NKAIN2: variants seen among roughly 807,000 people sequenced by gnomAD.
NKAIN2 encodes the protein sodium/potassium transporting ATPase interacting 2, also known as sodium/potassium-transporting ATPase subunit beta-1-interacting protein 2.
A neutral mutation model predicts 32.6 loss-of-function variants in NKAIN2; 14 were observed. The ratio of observed to expected loss-of-function variants is 0.43; its 90% CI spans 0.28 to 0.67. The LOEUF (loss-of-function observed/expected upper bound fraction) is 0.67. Ranked by LOEUF, NKAIN2 falls within the 30% of genes least tolerant of loss-of-function variation. The probability of loss-of-function intolerance (pLI) is 0.17; values close to 1 mark genes in which losing one functional copy is unlikely to be tolerated. For synonymous variants in NKAIN2, 80 were observed against 87.2 expected, an observed-to-expected ratio of 0.92 and a Z score of 0.46; for missense variants, 198 against 258.3, an observed-to-expected ratio of 0.77 and a Z score of 1.60.
In NKAIN2 at chr6:124,238,456, A is replaced by T. The variant is rs377710531; in HGVS notation, c.55-44549A>T. 1.6e-4 allele frequency among the ~76,000 whole-genome samples: 24 copies of T among 152,234 alleles called. 1 individual carries two copies. Among genetic ancestry groups the T allele is most frequent in the African/African-American group, 5.8e-4 (24 of 41,566 alleles). On this transcript the variant is annotated intron_variant, in intron 1 of 6. Coordinates refer to ENST00000368417, the MANE Select transcript of NKAIN2 (RefSeq NM_001040214.3). ...TACACTATTTTTGAAATGTTGTGGA[A>T]AAATAGAAGTCACATTCTTAGAGGC...
chr6:124,130,546 A>G (rs1786421265), intron 1 of NKAIN2, among the ~76,000 whole-genome samples: 1 of 151,586 alleles, frequency 6.6e-6, no homozygotes, highest in South Asian at 2.1e-4. Context: ...GCATTTGTAG[A>G]TAGGAATTAT....
At chr6:123,856,701 A>C (rs1433103923) in intron 1 of NKAIN2, among the ~76,000 whole-genome samples, 3 of 152,144 alleles carry the variant, frequency 2.0e-5, no homozygotes, top group Non-Finnish European at 2.9e-5. Flanking sequence ...GTGACACCCC[A>C]TGTGCTTGTT....
intron 1 of NKAIN2, among the ~76,000 whole-genome samples, chr6:123,884,095 ATCCTCTCCC>A (rs1399334294): frequency 2.0e-5 from 3 of 151,786 alleles, no homozygotes; most frequent in African/African-American, 7.3e-5. Flanking sequence ...GTTTTTCCTG[ATCCTCTCCC>A]TCCTCCCACC....
intron 3 of NKAIN2, among the ~76,000 whole-genome samples, chr6:124,600,037 G>A (rs1445629355): frequency 1.3e-5 from 2 of 152,072 alleles, no homozygotes; most frequent in African/African-American, 2.4e-5. Context: ...GGAAAGAGGT[G>A]TGAAAGCAGA....
intron 2 of NKAIN2, among the ~76,000 whole-genome samples, chr6:124,338,504 G>T (rs1797975279): frequency 6.6e-6 from 1 of 152,030 alleles, no homozygotes; most frequent in Non-Finnish European, 1.5e-5. Context: ...TGCTTTCAAA[G>T]TTTGTTGCAA....
At chr6:124,374,625 T>C (rs548259946) in intron 3 of NKAIN2, among the ~76,000 whole-genome samples, 3 of 152,238 alleles carry the variant, frequency 2.0e-5, no homozygotes, top group African/African-American at 7.2e-5. Flanking sequence ...CGCAACAAAG[T>C]TATAATTTTT....
At chr6:123,820,634 C>G (rs1191717844) in intron 1 of NKAIN2, among the ~76,000 whole-genome samples, 1 of 152,074 alleles carries the variant, frequency 6.6e-6, no homozygotes, top group Non-Finnish European at 1.5e-5. Context: ...CAGAATCTCT[C>G]CTTGCCAGCC....
intron 5 of NKAIN2, among the ~76,000 whole-genome samples, chr6:124,803,723 T>C (rs1780374929): frequency 6.6e-6 from 1 of 152,174 alleles, no homozygotes; most frequent in African/African-American, 2.4e-5. Context: ...TCACTCTATA[T>C]AAAATTTTAG....
chr6:124,699,146 A>C (rs2114562157), intron 4 of NKAIN2, among the ~76,000 whole-genome samples: 1 of 152,252 alleles, frequency 6.6e-6, no homozygotes, highest in East Asian at 1.9e-4. Flanking sequence ...AGGTTAACCA[A>C]GTTTGGCTAT....
intron 1 of NKAIN2, among the ~76,000 whole-genome samples, chr6:124,198,163 C>T (rs745653469): frequency 1.3e-5 from 2 of 151,988 alleles, no homozygotes; most frequent in Admixed American, 6.6e-5. Context: ...CCATGTACCA[C>T]GTGAAGGCTA....
chr6:124,530,406 G>A (rs1324710336), intron 3 of NKAIN2, among the ~76,000 whole-genome samples: 1 of 152,172 alleles, frequency 6.6e-6, no homozygotes, highest in East Asian at 1.9e-4. Flanking sequence ...TTGAGACGGA[G>A]GAGGAAAAGG....
At chr6:123,941,076 C>T (rs952017649) in intron 1 of NKAIN2, among the ~76,000 whole-genome samples, 22 of 151,446 alleles carry the variant, frequency 1.5e-4, no homozygotes, top group African/African-American at 4.8e-4. Context: ...TGGTTAAAAA[C>T]GAAGACACAA....
At chr6:124,113,395 T>C (rs948483398) in intron 1 of NKAIN2, among the ~76,000 whole-genome samples, 4 of 152,128 alleles carry the variant, frequency 2.6e-5, no homozygotes, top group Non-Finnish European at 4.4e-5. Context: ...ATTGTAGCAT[T>C]GGATACACAG....
At chr6:124,661,685 G>A (rs1351739295) in intron 4 of NKAIN2, among the ~76,000 whole-genome samples, 3 of 152,038 alleles carry the variant, frequency 2.0e-5, no homozygotes, top group African/African-American at 7.3e-5. Flanking sequence ...GTGATATTTC[G>A]AGCTTTCTCC....
At chr6:124,517,277 A>G (rs1453338393) in intron 3 of NKAIN2, among the ~76,000 whole-genome samples, 1 of 152,184 alleles carries the variant, frequency 6.6e-6, no homozygotes, top group East Asian at 1.9e-4. Flanking sequence ...TCACTCCAAA[A>G]CTGAAGAGGG....
intron 4 of NKAIN2, among the ~76,000 whole-genome samples, chr6:124,667,866 A>G (rs910649611): frequency 2.0e-5 from 3 of 152,188 alleles, no homozygotes; most frequent in Non-Finnish European, 2.9e-5. Flanking sequence ...CAGTAAAAAA[A>G]GAGCCATTGG....
At chr6:124,777,556 A>ATTGT (rs1390244755) in intron 4 of NKAIN2, among the ~76,000 whole-genome samples, 1 of 152,224 alleles carries the variant, frequency 6.6e-6, no homozygotes, top group Non-Finnish European at 1.5e-5. Context: ...ACTAATGCTA[A>ATTGT]TTGTTATTAT....
At chr6:124,307,141 A>G (rs1355506331) in intron 2 of NKAIN2, among the ~76,000 whole-genome samples, 3 of 152,232 alleles carry the variant, frequency 2.0e-5, no homozygotes, top group East Asian at 1.9e-4. Flanking sequence ...AGTATATATC[A>G]TAGTCAATAT....
chr6:124,165,620 C>G (rs1432915297), intron 1 of NKAIN2, among the ~76,000 whole-genome samples: 2 of 150,260 alleles, frequency 1.3e-5, no homozygotes, highest in African/African-American at 4.9e-5. Context: ...CACCCATTAA[C>G]TCGTCATTTA....
Sources: allele counts gnomAD v4.1 joint callset (sites outside exome capture counted in the v4.1 genomes callset), GRCh38; gene constraint gnomAD v4.1.1; transcripts MANE v1.5; gene names NCBI Gene and HGNC (gene_info 2026-07-23, HGNC 2026-07-21).